ASIC2: variants seen among roughly 807,000 people sequenced by gnomAD.
ASIC2 encodes acid sensing ion channel subunit 2, also known as acid-sensing ion channel 2.
ASIC2 carries 25 observed loss-of-function variants against 57.3 expected under a neutral mutation model. The observed-to-expected ratio is 0.44, with a 90% confidence interval of 0.32 to 0.61. The LOEUF is 0.61. Ranked by LOEUF, ASIC2 falls within the 20% of genes least tolerant of loss-of-function variation. The pLI is 0.06. For synonymous variants in ASIC2, 319 were observed against 307.5 expected, an observed-to-expected ratio of 1.04 and a Z score of -0.39; for missense variants, 641 against 738.1, an observed-to-expected ratio of 0.87 and a Z score of 1.52.
chr17:33,659,632 A>G (rs1341658519), intron 1 of ASIC2, among the ~76,000 whole-genome samples: 3 of 152,214 alleles, frequency 2.0e-5, no homozygotes, highest in Non-Finnish European at 4.4e-5. Flanking sequence ...GCTCTTTGGG[A>G]GGCCGAGGCA....
intron 1 of ASIC2, among the ~76,000 whole-genome samples, chr17:33,854,802 C>T (rs1221857182): frequency 6.6e-6 from 1 of 152,084 alleles, no homozygotes; most frequent in East Asian, 1.9e-4. Context: ...GTCATCTGCC[C>T]TGGGATGAAC....
intron 1 of ASIC2, among the ~76,000 whole-genome samples, chr17:33,653,631 T>C (rs554191570): frequency 6.0e-4 from 91 of 152,270 alleles, no homozygotes; most frequent in African/African-American, 2.2e-3. Flanking sequence ...TATTGTTCTT[T>C]TGTTAGTTTC....
chr17:33,526,167 T>C (rs1220757947), intron 1 of ASIC2, among the ~76,000 whole-genome samples: 2 of 152,036 alleles, frequency 1.3e-5, no homozygotes, highest in Non-Finnish European at 2.9e-5. Context: ...CCAGCAAAAA[T>C]AGTAGATTTG....
chr17:33,043,246 C>A (rs115912492), intron 3 of ASIC2, among the ~76,000 whole-genome samples: 1,692 of 152,292 alleles, frequency 0.011, 30 homozygotes, highest in African/African-American at 0.039. Context: ...TACTGATGAG[C>A]AAACTTCAGT....
intron 1 of ASIC2, among the ~76,000 whole-genome samples, chr17:33,388,214 C>A (rs1054083494): frequency 2.0e-5 from 3 of 152,376 alleles, no homozygotes; most frequent in African/African-American, 7.2e-5. Flanking sequence ...ATGCCAGCAG[C>A]CAGCAGAAGC....
At chr17:34,150,700 T>G (rs1370216183) in intron 1 of ASIC2, among the ~76,000 whole-genome samples, 4 of 151,944 alleles carry the variant, frequency 2.6e-5, no homozygotes, top group African/African-American at 9.7e-5. Flanking sequence ...GAGAGAGTAA[T>G]TTAGATTATG....
chr17:33,283,992 G>A (rs370727449), intron 1 of ASIC2, among the ~76,000 whole-genome samples: 2 of 152,090 alleles, frequency 1.3e-5, no homozygotes, highest in Admixed American at 1.3e-4. Context: ...TTTCTTTTTG[G>A]TATCAGGGAC....
chr17:33,332,809 T>G (rs1187906388), intron 1 of ASIC2, among the ~76,000 whole-genome samples: 2 of 152,174 alleles, frequency 1.3e-5, no homozygotes, highest in Non-Finnish European at 2.9e-5. Context: ...GAGAATCACT[T>G]GAACCCAGGA....
rs141659044 is a variant in ASIC2, at chr17:33,851,433, G to A, written c.555+304545C>T. ...GAAATGGCAGGGGATGTGTTGGGGA[G>A]TGTTCCAGAGTGAAAAGAAAGGAAG... On this transcript the variant is annotated intron_variant, in intron 1 of 9. Coordinates refer to the ASIC2 transcript ENST00000359872. Among the ~76,000 whole-genome samples, 59 of 152,286 alleles carry A rather than the reference G, an allele frequency of 3.9e-4. No homozygotes were observed. The East Asian group carries it at 8.9e-3, about 23-fold the overall frequency.
chr17:33,846,256 G>T (rs1220522062), intron 1 of ASIC2, among the ~76,000 whole-genome samples: 1 of 152,166 alleles, frequency 6.6e-6, no homozygotes, highest in African/African-American at 2.4e-5. Flanking sequence ...GATTGTACCT[G>T]TGAGAGGAAA....
At chr17:33,823,293 A>G (rs1300046688) in intron 1 of ASIC2, among the ~76,000 whole-genome samples, 1 of 152,166 alleles carries the variant, frequency 6.6e-6, no homozygotes, top group Admixed American at 6.5e-5. Context: ...ACTGTGTCAT[A>G]TTTCATTTGC....
intron 1 of ASIC2, among the ~76,000 whole-genome samples, chr17:33,621,649 G>T (rs932817061): frequency 3.9e-5 from 6 of 152,178 alleles, no homozygotes; most frequent in African/African-American, 7.2e-5. Flanking sequence ...TGTGCCTTGG[G>T]GTCAGTGTGT....
chr17:34,055,491 T>C (rs1245556689), intron 1 of ASIC2, among the ~76,000 whole-genome samples: 1 of 152,202 alleles, frequency 6.6e-6, no homozygotes, highest in Non-Finnish European at 1.5e-5. Flanking sequence ...GAAACTCCGA[T>C]TGTTATCTCA....
chr17:33,860,456 G>T (rs1914075202), intron 1 of ASIC2, among the ~76,000 whole-genome samples: 1 of 152,204 alleles, frequency 6.6e-6, no homozygotes, highest in African/African-American at 2.4e-5. Flanking sequence ...TGGGAATGAA[G>T]TGCTGGAATT....
chr17:33,365,141 C>T (rs2141934108), intron 1 of ASIC2, among the ~76,000 whole-genome samples: 1 of 152,310 alleles, frequency 6.6e-6, no homozygotes, highest in Non-Finnish European at 1.5e-5. Flanking sequence ...TCTCCAACTT[C>T]ATACATACAG....
At chr17:33,110,295 C>T (rs571337717) in intron 2 of ASIC2, among the ~76,000 whole-genome samples, 10 of 152,312 alleles carry the variant, frequency 6.6e-5, no homozygotes, top group Admixed American at 1.3e-4. Flanking sequence ...CCCTGGACTC[C>T]GGGTTGTCTA....
intron 1 of ASIC2, among the ~76,000 whole-genome samples, chr17:33,300,311 T>C (rs1905903773): frequency 6.7e-6 from 1 of 148,784 alleles, no homozygotes; most frequent in Non-Finnish European, 1.5e-5. Flanking sequence ...CTTCACACCT[T>C]TTTTTTTTCA....
intron 1 of ASIC2, among the ~76,000 whole-genome samples, chr17:34,155,264 C>T (rs1438166407): frequency 2.0e-5 from 3 of 152,164 alleles, no homozygotes; most frequent in African/African-American, 4.8e-5. Flanking sequence ...CTCTTGCACA[C>T]GTGCCTCCGC....
intron 3 of ASIC2, among the ~76,000 whole-genome samples, chr17:33,087,019 C>A (rs375075971): frequency 6.6e-6 from 1 of 152,286 alleles, no homozygotes. Flanking sequence ...TCATGCTGCA[C>A]CCTCTTCCCT....
Sources: allele counts gnomAD v4.1 joint callset (sites outside exome capture counted in the v4.1 genomes callset), GRCh38; gene constraint gnomAD v4.1.1; transcripts MANE v1.5; gene names NCBI Gene and HGNC (gene_info 2026-07-23, HGNC 2026-07-21).